EMP2: variants seen among roughly 807,000 people sequenced by gnomAD.
EMP2 encodes epithelial membrane protein 2.
A neutral mutation model predicts 13.7 loss-of-function variants in EMP2; 19 were observed. The observed-to-expected ratio is 1.38, with a 90% confidence interval of 0.97 to 2.03. EMP2 has a LOEUF of 2.03. EMP2 is among the 30% of genes most tolerant of loss of function. The pLI, the probability that EMP2 is intolerant of heterozygous loss-of-function variation, is 0.00. For synonymous variants in EMP2, 97 were observed against 84.7 expected, an observed-to-expected ratio of 1.15 and a Z score of -0.80; for missense variants, 253 against 220.7, an observed-to-expected ratio of 1.15 and a Z score of -0.93.
rs1349592662 is a variant in EMP2, at chr16:10,531,907, C to T, written c.*998G>A. 6.5e-6 allele frequency: 1 copy of T among 154,724 alleles called. No homozygotes were observed. The highest frequency in any genetic ancestry group is 1.5e-5 in the Non-Finnish European group (1 of 68,246). The allele number at this position is 154,724 out of a possible 1,614,324, so 9.6% of individuals were successfully genotyped here. A position where few individuals can be genotyped will look rare whatever the true frequency, so the allele number is the denominator to read the frequency against. ...GGATAAGATGGGAAGGAGGCTGTAC[C>T]CCACACCCTGAAGGTGTCTATGAGT... On this transcript the variant is annotated 3_prime_UTR_variant, in exon 5 of 5. Transcript: ENST00000359543.
At chr16:10,559,418 T>A (rs1596378226) in intron 1 of EMP2, among the ~76,000 whole-genome samples, 1 of 152,190 alleles carries the variant, frequency 6.6e-6, no homozygotes, top group Admixed American at 6.5e-5. Context: ...AAAGTCAGCA[T>A]TTGGCTCTCT....
Position 10,533,024 on chromosome 16 carries a change from T to C in EMP2, c.385A>G (p.Lys129Glu), listed in dbSNP as rs150677305. The change falls in exon 5 of 5, where the codon AAA becomes GAA. Residue 129 changes from lysine to glutamate, a missense_variant. Transcript: ENST00000359543. Reference sequence around the variant, plus strand: ...CCTTCTCTGGTCACGGGATAGAATTTCGCGTTTTTGTCGTGAATGTCTTCA... The same window carrying C: ...CCTTCTCTGGTCACGGGATAGAATTCCGCGTTTTTGTCGTGAATGTCTTCA... ...RREDIHDKNAKFYPVTREGSY... is the reference protein window; with the variant it reads ...RREDIHDKNAEFYPVTREGSY... 6.2e-6 allele frequency: 10 copies of C among 1,611,486 alleles called. No homozygotes were observed. The highest frequency in any genetic ancestry group is 1.1e-5 in the South Asian group (1 of 90,494).
intron 1 of EMP2, among the ~76,000 whole-genome samples, chr16:10,573,072 TG>T (rs2142211931): frequency 6.6e-6 from 1 of 152,226 alleles, no homozygotes; most frequent in South Asian, 2.1e-4. Context: ...TTTTAAGAGA[TG>T]GGGTCTTGCT....
At chr16:10,542,816 C>T (rs902403403) in intron 3 of EMP2, among the ~76,000 whole-genome samples, 2 of 152,172 alleles carry the variant, frequency 1.3e-5, no homozygotes, top group Admixed American at 1.3e-4. Flanking sequence ...CAAGGCTACA[C>T]AGCTTGTCTA....
chr16:10,556,948 G>A (rs139471212), intron 1 of EMP2, among the ~76,000 whole-genome samples: 98 of 152,326 alleles, frequency 6.4e-4, no homozygotes, highest in Middle Eastern at 3.4e-3. Flanking sequence ...TCATCTTTGT[G>A]TCCACTGAGC....
Position 10,543,676 on chromosome 16 carries a change from G to A in EMP2, c.79-16C>T. On this transcript the variant is annotated splice_polypyrimidine_tract_variant and intron_variant, in intron 2 of 4. Transcript: ENST00000359543. ...CCCACCAGGCCTGTAACACAAAATG[G>A]AAATAGAGAGAAAGGCCGTCCGTTC... The A allele has an allele frequency of 6.2e-7, 1 of 1,613,106 alleles. No homozygotes were observed.
chr16:10,534,892 A>G (rs965134001), intron 4 of EMP2, among the ~76,000 whole-genome samples: 4 of 152,228 alleles, frequency 2.6e-5, no homozygotes, highest in African/African-American at 9.6e-5. Flanking sequence ...TGGTGGGACT[A>G]TCCTTCAAGA....
At chr16:10,557,051 G>A (rs905741760) in intron 1 of EMP2, among the ~76,000 whole-genome samples, 1 of 151,916 alleles carries the variant, frequency 6.6e-6, no homozygotes, top group Non-Finnish European at 1.5e-5. Context: ...ATTAAGAGAG[G>A]GCCTAAAAAA....
intron 1 of EMP2, among the ~76,000 whole-genome samples, chr16:10,567,346 G>A (rs2050913434): frequency 6.6e-6 from 1 of 152,210 alleles, no homozygotes. Context: ...CAAGCCTTGA[G>A]ATGACAATAT....
intron 4 of EMP2, 146 bp from the exon 5 acceptor site, chr16:10,533,238 A>T: frequency 1.2e-6 from 1 of 808,728 alleles, no homozygotes; most frequent in Non-Finnish European, 1.7e-6. Context: ...AGATTTTGCC[A>T]TGTCACCCAG....
At chr16:10,567,693 T>C (rs1322752653) in intron 1 of EMP2, among the ~76,000 whole-genome samples, 1 of 152,138 alleles carries the variant, frequency 6.6e-6, no homozygotes, top group Non-Finnish European at 1.5e-5. Context: ...GTGGAGAGAC[T>C]CGGGTTTCCC....
rs1479532853 is a variant in EMP2, at chr16:10,528,425, A to T, written c.*4480T>A. ...TTAAAGAAGCAGAGGGAGATTGTCCAGTGATAAATTGTCCATTTATCAGTT... is the reference window on the plus strand; with the variant it reads ...TTAAAGAAGCAGAGGGAGATTGTCCTGTGATAAATTGTCCATTTATCAGTT... On this transcript the variant is annotated 3_prime_UTR_variant, in exon 5 of 5. Coordinates refer to ENST00000359543, the MANE Select transcript of EMP2 (RefSeq NM_001424.6). 2.0e-5 allele frequency: 3 copies of T among 152,240 alleles called. No individual in the cohort carries two copies. The highest frequency in any genetic ancestry group is 7.2e-5 in the African/African-American group (3 of 41,470). The allele number at this position is 152,240 out of a possible 1,614,324, so 9.4% of individuals were successfully genotyped here.
rs778744811 is a variant in EMP2 at position 10,530,321 on chromosome 16, T to G, written c.*2584A>C. The G allele has an allele frequency of 6.6e-6, 1 of 152,296 alleles. No homozygotes were observed. The highest frequency in any genetic ancestry group is 1.5e-5 in the Non-Finnish European group (1 of 68,032). 9.4% of individuals were successfully genotyped at this position (152,296 alleles called of 1,614,324 possible). ...ATACTATCTGTCAAAAACAAATGAA[T>G]GAAAGAGCAGATGGAAAGAGCCAAT... On this transcript the variant is annotated 3_prime_UTR_variant, in exon 5 of 5. Coordinates refer to ENST00000359543, the MANE Select transcript of EMP2 (RefSeq NM_001424.6).
At chr16:10,537,845 C>T in intron 4 of EMP2, 83 bp downstream of exon 4, 1 of 1,561,382 alleles carries the variant, frequency 6.4e-7, no homozygotes, top group Non-Finnish European at 8.7e-7. Flanking sequence ...ATTCTCCCTC[C>T]TCCTGGCTTC....
intron 4 of EMP2, among the ~76,000 whole-genome samples, chr16:10,533,528 C>T (rs2050624790): frequency 6.6e-6 from 1 of 152,140 alleles, no homozygotes; most frequent in East Asian, 1.9e-4. Flanking sequence ...GCCAGAGGTC[C>T]ACAGACGTAC....
At chr16:10,568,638 G>A (rs1216980453) in intron 1 of EMP2, among the ~76,000 whole-genome samples, 1 of 152,174 alleles carries the variant, frequency 6.6e-6, no homozygotes, top group East Asian at 1.9e-4. Flanking sequence ...GGGGCAAGTG[G>A]CACCTGCTCA....
chr16:10,546,607 G>A (rs1465450309), intron 2 of EMP2: 1 of 152,208 alleles, frequency 6.6e-6, no homozygotes, highest in Non-Finnish European at 1.5e-5. Flanking sequence ...GGGGGCAGAG[G>A]TCACCTGGGA....
At chr16:10,568,780 CTTTTTTTT>C (rs58406598) in intron 1 of EMP2, among the ~76,000 whole-genome samples, 2 of 85,234 alleles carry the variant, frequency 2.3e-5, no homozygotes, top group African/African-American at 4.6e-5. Context: ...CTAGGATTTT[CTTTTTTTT>C]TTTTTTTTTT....
chr16:10,561,901 G>T (rs910726787), intron 1 of EMP2, among the ~76,000 whole-genome samples: 1 of 151,930 alleles, frequency 6.6e-6, no homozygotes, highest in Non-Finnish European at 1.5e-5. Flanking sequence ...GCAATAAAAG[G>T]AGAAAAAAAA....
Sources: gnomAD v4.1 joint callset for allele counts (sites outside exome capture counted in the v4.1 genomes callset) on GRCh38, gnomAD v4.1.1 for gene constraint, MANE v1.5 for transcripts, NCBI Gene and HGNC (gene_info 2026-07-23, HGNC 2026-07-21) for gene names.